The following SCN11A variants were observed in gnomAD, a reference collection of about 807,000 sequenced individuals.
The protein encoded by SCN11A is sodium channel protein type 11 subunit alpha.
A neutral mutation model predicts 162.2 loss-of-function variants in SCN11A; 122 were observed. The observed-to-expected ratio is 0.75, with a 90% confidence interval of 0.65 to 0.87. The LOEUF (loss-of-function observed/expected upper bound fraction) is 0.87. Ranked by LOEUF, SCN11A falls within the 40% of genes least tolerant of loss-of-function variation. The pLI, the probability that SCN11A is intolerant of heterozygous loss-of-function variation, is 0.00. For missense variants in SCN11A, 2,015 were observed against 2,181.6 expected (o/e 0.92, Z 1.52); for synonymous variants, 758 against 751.5 (o/e 1.01, Z -0.14).
chr3:38,963,032 TA>T (rs534317635), intron 2 of SCN11A, among the ~76,000 whole-genome samples: 231 of 151,354 alleles, frequency 1.5e-3, no homozygotes, highest in African/African-American at 5.3e-3. Context: ...TGGCCATAAT[TA>T]AAAAATCAAA....
intron 7 of SCN11A, among the ~76,000 whole-genome samples, chr3:38,937,598 T>C (rs531256388): frequency 0.066 from 9,941 of 151,252 alleles, 997 homozygotes; most frequent in African/African-American, 0.22. Context: ...AAGACATTTA[T>C]GCAGCCAAAA....
In SCN11A at chr3:38,907,987, G is replaced by C. The variant is rs1186591522; in HGVS notation, c.1435C>G (p.Pro479Ala). 1 of 1,610,132 alleles carries C rather than the reference G, an allele frequency of 6.2e-7. No homozygotes were observed. The highest frequency in any genetic ancestry group is 1.3e-5 in the African/African-American group (1 of 74,574). The change falls in exon 14 of 30, where the codon CCT (proline) becomes GCT (alanine). Residue 479 changes from proline to alanine, a missense_variant. Transcript: ENST00000302328. ...TCTTCATCAGAATCTGACCCAGGAGGCTGGTCTTTCCCAGACTCTCTCAAA... is the reference window on the plus strand; with the variant it reads ...TCTTCATCAGAATCTGACCCAGGAGCCTGGTCTTTCCCAGACTCTCTCAAA... ...FFLRESGKDQ[P>A]PGSDSDEDCQ... is the part of the protein sequence containing the mutation.
chr3:38,949,969 C>A (rs2066577014), intron 5 of SCN11A, 127 bp downstream of exon 5: 20 of 651,352 alleles, frequency 3.1e-5, no homozygotes, highest in Non-Finnish European at 4.4e-5. Flanking sequence ...GGGATGACAG[C>A]AAAGAAGAGG....
chr3:39,035,359 T>G (rs893220268), intron 1 of SCN11A, among the ~76,000 whole-genome samples: 1 of 152,192 alleles, frequency 6.6e-6, no homozygotes, highest in Non-Finnish European at 1.5e-5. Context: ...GGACAGTCTC[T>G]TCAGTAAATG....
intron 2 of SCN11A, among the ~76,000 whole-genome samples, chr3:38,973,363 G>T (rs1019127556): frequency 5.9e-5 from 9 of 151,882 alleles, no homozygotes; most frequent in African/African-American, 1.7e-4. Context: ...TCTTCTTGCA[G>T]TCAGAAGTCA....
chr3:38,863,613 A>G (rs2064999413), intron 27 of SCN11A, among the ~76,000 whole-genome samples: 1 of 152,162 alleles, frequency 6.6e-6, no homozygotes, highest in Non-Finnish European at 1.5e-5. Context: ...AAATCAAACC[A>G]TGATGCAACA....
At chr3:38,853,335 A>C (rs2064814184) in intron 28 of SCN11A, among the ~76,000 whole-genome samples, 1 of 152,220 alleles carries the variant, frequency 6.6e-6, no homozygotes, top group Non-Finnish European at 1.5e-5. Context: ...AGTTCAAGTA[A>C]GAATTTTAAA....
At chr3:38,963,390 G>GAGA (rs2066757343) in intron 2 of SCN11A, among the ~76,000 whole-genome samples, 1 of 39,770 alleles carries the variant, frequency 2.5e-5, no homozygotes, top group Non-Finnish European at 4.4e-5. Context: ...TATATATGAT[G>GAGA]GAGATATATA....
chr3:38,921,110 C>T lies in SCN11A; in HGVS notation c.858G>A (p.Arg286=). 2 of 1,613,996 alleles carry T rather than the reference C, an allele frequency of 1.2e-6. No individual in the cohort carries two copies. Among genetic ancestry groups the T allele is most frequent in the South Asian group, 1.1e-5 (1 of 91,068 alleles). Residue 286 remains arginine (R), a synonymous_variant, in exon 10 of 30, where the codon AGG becomes AGA. Coordinates refer to ENST00000302328, the MANE Select transcript of SCN11A (RefSeq NM_001349253.2). ...CCGGGTTACTGATATTTTTACAGTC[C>T]CTCGAGATGCATTTCAGGTTCAGAC... ...MGSLNLKCIS[R]DCKNISNPEA...
rs150029712 is a variant in SCN11A, at chr3:39,024,873, A to G, written c.-280+7507T>C. On this transcript the variant is annotated intron_variant, in intron 2 of 29. Coordinates refer to ENST00000302328, the MANE Select transcript of SCN11A (RefSeq NM_001349253.2). ...TACAGGGCTGTCCATACTTTTTTGA[A>G]CCTAAGCATGAAAATGGACAATTTC... 2.2e-3 allele frequency among the ~76,000 whole-genome samples: 337 copies of G among 152,248 alleles called. 2 individuals are homozygous for G. Among genetic ancestry groups the G allele is most frequent in the Non-Finnish European group, 3.9e-3 (264 of 67,990 alleles).
intron 18 of SCN11A, 49 bp downstream of exon 18, chr3:38,896,796 G>C (rs2065603754): frequency 4.3e-6 from 6 of 1,391,180 alleles, no homozygotes; most frequent in Non-Finnish European, 5.7e-6. Context: ...GCATTTGAGA[G>C]GCATGTAGGA....
chr3:38,904,039 C>A lies in SCN11A; in HGVS notation c.1668G>T (p.Val556=). 6.2e-7 allele frequency: 1 copy of A among 1,607,242 alleles called. No individual in the cohort carries two copies. Reference sequence around the variant, plus strand: ...ACAGCCACTGGGGGCAACAGTTCCACACGAGGTACTTGGATGCCAGGTTTT... The same window carrying A: ...ACAGCCACTGGGGGCAACAGTTCCAAACGAGGTACTTGGATGCCAGGTTTT... ...CGENLASKYL[V]WNCCPQWLCV... Residue 556 remains valine, a synonymous_variant, in exon 16 of 30, where the codon GTG becomes GTT. Transcript: ENST00000302328.
intron 4 of SCN11A, among the ~76,000 whole-genome samples, chr3:38,951,327 C>CA (rs771295756): frequency 6.6e-6 from 1 of 152,252 alleles, no homozygotes; most frequent in Non-Finnish European, 1.5e-5. Flanking sequence ...CTGGGTCCCC[C>CA]AGCAGAGTCG....
intron 4 of SCN11A, among the ~76,000 whole-genome samples, chr3:38,953,031 G>A (rs780363880): frequency 6.6e-6 from 1 of 151,454 alleles, no homozygotes; most frequent in Non-Finnish European, 1.5e-5. Context: ...CTGCAGAGGC[G>A]AAACACTATC....
chr3:39,023,266 T>C (rs1053341580), intron 2 of SCN11A, among the ~76,000 whole-genome samples: 3 of 152,216 alleles, frequency 2.0e-5, no homozygotes, highest in African/African-American at 7.2e-5. Flanking sequence ...CTATTACTTT[T>C]GCATATGTTT....
At chr3:38,989,404 A>T (rs1354535163) in intron 2 of SCN11A, among the ~76,000 whole-genome samples, 3 of 152,194 alleles carry the variant, frequency 2.0e-5, no homozygotes, top group Admixed American at 6.5e-5. Flanking sequence ...TTGTTCAAAG[A>T]CAGTAAGTTT....
chr3:38,951,949 C>T (rs576371428), intron 4 of SCN11A, among the ~76,000 whole-genome samples: 43 of 152,164 alleles, frequency 2.8e-4, no homozygotes, highest in Middle Eastern at 3.4e-3. Flanking sequence ...AGTGGCAACC[C>T]GCTGGGGTCC....
At position 38,877,055 on chromosome 3, in the gene SCN11A, T is replaced by C. The variant is rs965479239; in HGVS notation, c.3393+2895A>G. ...TGGTATATATATGGTGTATATACTATATATATGGTATATATATGGTGTATA... is the reference window on the plus strand; with the variant it reads ...TGGTATATATATGGTGTATATACTACATATATGGTATATATATGGTGTATA... On this transcript the variant is annotated intron_variant, in intron 23 of 29. Coordinates refer to ENST00000302328, the MANE Select transcript of SCN11A (RefSeq NM_001349253.2). Among the ~76,000 whole-genome samples the C allele has an allele frequency of 1.3e-3, 132 of 99,372 alleles. 3 individuals are homozygous for C. The highest frequency in any genetic ancestry group is 3.4e-3 in the African/African-American group (106 of 30,848). The allele number at this position is 99,372 out of a possible 152,430, so 65.2% of individuals were successfully genotyped here. A position where few individuals can be genotyped will look rare whatever the true frequency, so the allele number is the denominator to read the frequency against.
chr3:38,991,807 T>C (rs1391574446), intron 2 of SCN11A, among the ~76,000 whole-genome samples: 2 of 152,116 alleles, frequency 1.3e-5, no homozygotes, highest in Admixed American at 1.3e-4. Context: ...TATTTATTTA[T>C]TTTATTGTAT....
Sources: allele counts gnomAD v4.1 joint callset (sites outside exome capture counted in the v4.1 genomes callset), GRCh38; gene constraint gnomAD v4.1.1; transcripts MANE v1.5; gene names NCBI Gene and HGNC (gene_info 2026-07-23, HGNC 2026-07-21).